Variants in KCTD10 observed in about 807,000 individuals in gnomAD.
KCTD10 encodes potassium channel tetramerization domain containing 10.
In KCTD10, 13 loss-of-function variants were observed where a neutral mutation model predicts 34.6. That is an observed-to-expected ratio of 0.38 (90% CI 0.24 to 0.60). KCTD10 has a LOEUF of 0.60. Among genes scored for constraint, KCTD10 ranks in the 20% least tolerant of loss-of-function variants. KCTD10 has a pLI of 0.66. For missense variants in KCTD10, 256 were observed against 420.3 expected (o/e 0.61, Z 3.42); for synonymous variants, 156 against 168.8 (o/e 0.92, Z 0.59).
intron 1 of KCTD10, chr12:109,470,411 T>C: frequency 1.0e-6 from 1 of 985,498 alleles, no homozygotes; most frequent in Non-Finnish European, 1.2e-6. Flanking sequence ...AAGATCCCAC[T>C]ACCATCTCCC....
intron 2 of KCTD10, among the ~76,000 whole-genome samples, chr12:109,468,505 G>A (rs979719667): frequency 1.3e-5 from 2 of 152,120 alleles, no homozygotes; most frequent in African/African-American, 4.8e-5. Context: ...TCAGGCCAAG[G>A]AATGAAGGAT....
At chr12:109,458,378 G>T in intron 3 of KCTD10, 1 of 272,356 alleles carries the variant, frequency 3.7e-6, no homozygotes, top group Non-Finnish European at 6.9e-6. Flanking sequence ...CAGCAGAAAC[G>T]TGTTTTAATC....
In KCTD10 at chr12:109,460,810, A is replaced by C; in HGVS notation, c.218-5T>G. ...AGCGGTCAATGAGGATCCAGCCTGC[A>C]GAGGGAGGAGGCAGGGGCTGGTTAC... On this transcript the variant is annotated splice_polypyrimidine_tract_variant and splice_region_variant and intron_variant, in intron 2 of 6. Transcript: ENST00000228495. This position sits in a 1 kb window ranked among gnomAD's most constrained non-coding sequence, Gnocchi z 4.5. 2 of 1,613,586 alleles carry C rather than the reference A, an allele frequency of 1.2e-6. No individual in the cohort carries two copies. Among genetic ancestry groups the C allele is most frequent in the African/African-American group, 1.3e-5 (1 of 75,054 alleles).
At position 109,469,659 on chromosome 12, in the gene KCTD10, T is replaced by C; in HGVS notation, c.73A>G (p.Lys25Glu). The change falls in exon 2 of 7, where the codon AAG becomes GAG. Residue 25 changes from lysine (K) to glutamate (E), a missense_variant. Lys to Glu is a moderately conservative substitution (Grantham distance 56). Transcript: ENST00000228495. ...TATTTGGAGCTGGGGCTCGTGCCCT[T>C]GAAGGAAGTGGTGCGGGTAGCAGCC... ...PAAATRTTSF[K>E]GTSPSSKYVK... 1 of 1,614,190 alleles carries C rather than the reference T, an allele frequency of 6.2e-7. No individual in the cohort carries two copies. The highest frequency in any genetic ancestry group is 8.5e-7 in the Non-Finnish European group (1 of 1,180,028).
At chr12:109,465,528 C>T (rs1873550256) in intron 2 of KCTD10, among the ~76,000 whole-genome samples, 1 of 152,150 alleles carries the variant, frequency 6.6e-6, no homozygotes, top group Non-Finnish European at 1.5e-5. Flanking sequence ...TACTGACCTC[C>T]TCAGGTGACT....
At chr12:109,472,424 C>T (rs1172257843) in intron 1 of KCTD10, among the ~76,000 whole-genome samples, 3 of 151,912 alleles carry the variant, frequency 2.0e-5, no homozygotes, top group South Asian at 2.1e-4. Context: ...GACAGTAACA[C>T]GCATGGAACT....
intron 1 of KCTD10, among the ~76,000 whole-genome samples, chr12:109,475,806 ACATTT>A (rs1419323937): frequency 6.6e-6 from 1 of 152,258 alleles, no homozygotes; most frequent in African/African-American, 2.4e-5. Context: ...GTCTGCTGTT[ACATTT>A]CAACTAAACT....
At chr12:109,470,441 C>T (rs1162887610) in intron 1 of KCTD10, 1 of 985,390 alleles carries the variant, frequency 1.0e-6, no homozygotes, top group African/African-American at 1.7e-5. Flanking sequence ...GGCTGACTCT[C>T]TGTACATCTC....
At chr12:109,468,658 T>TTTA (rs1334767099) in intron 2 of KCTD10, among the ~76,000 whole-genome samples, 1 of 150,274 alleles carries the variant, frequency 6.7e-6, no homozygotes, top group Non-Finnish European at 1.5e-5. Flanking sequence ...TTTGCCTTTT[T>TTTA]TTTTTTTTTT....
chr12:109,463,488 G>C (rs1311614047), intron 2 of KCTD10, among the ~76,000 whole-genome samples: 1 of 152,206 alleles, frequency 6.6e-6, no homozygotes, highest in Non-Finnish European at 1.5e-5. Flanking sequence ...AAGACAAATG[G>C]AAGTCAAGCA....
chr12:109,469,818 G>C, intron 1 of KCTD10, 90 bp from the exon 2 acceptor site: 1 of 1,557,602 alleles, frequency 6.4e-7, no homozygotes, highest in South Asian at 1.2e-5. Context: ...GATGTGTTTT[G>C]CTTGGGCCAC....
rs1592830280 is a variant in KCTD10, at chr12:109,449,959, T to G, written c.*1636A>C. On this transcript the variant is annotated 3_prime_UTR_variant, in exon 7 of 7. Coordinates refer to ENST00000228495, the MANE Select transcript of KCTD10 (RefSeq NM_031954.5). ...AAAAGCATCTGCCCAATACACGATTTTGACATTCAGTCATGATTGTTTTAA... is the reference window on the plus strand; with the variant it reads ...AAAAGCATCTGCCCAATACACGATTGTGACATTCAGTCATGATTGTTTTAA... 1 of 259,588 alleles carries G rather than the reference T, an allele frequency of 3.9e-6. No individual in the cohort carries two copies. Among genetic ancestry groups the G allele is most frequent in the East Asian group, 6.8e-5 (1 of 14,708 alleles). The allele number at this position is 259,588 out of a possible 1,614,324, so 16.1% of individuals were successfully genotyped here.
At chr12:109,462,058 A>G (rs2135660626) in intron 2 of KCTD10, among the ~76,000 whole-genome samples, 1 of 152,330 alleles carries the variant, frequency 6.6e-6, no homozygotes, top group African/African-American at 2.4e-5. Context: ...GCCTTGGATC[A>G]GTGGCAGAGG....
intron 1 of KCTD10, among the ~76,000 whole-genome samples, chr12:109,473,746 G>T (rs1309762469): frequency 6.6e-6 from 1 of 151,898 alleles, no homozygotes; most frequent in Admixed American, 6.6e-5. Flanking sequence ...AACCTCTCTA[G>T]GGAGGACTCT....
chr12:109,453,114 G>A (rs1039126254), intron 6 of KCTD10, among the ~76,000 whole-genome samples: 1 of 152,074 alleles, frequency 6.6e-6, no homozygotes, highest in Non-Finnish European at 1.5e-5. Flanking sequence ...AGGCTGGAGT[G>A]CAGTGGCACA....
intron 2 of KCTD10, among the ~76,000 whole-genome samples, chr12:109,463,395 C>T (rs958995667): frequency 1.3e-5 from 2 of 152,200 alleles, no homozygotes; most frequent in East Asian, 3.8e-4. Context: ...TTTCAATCAG[C>T]GTTTTGACTT....
At chr12:109,471,714 G>T (rs1216646929) in intron 1 of KCTD10, among the ~76,000 whole-genome samples, 1 of 152,168 alleles carries the variant, frequency 6.6e-6, no homozygotes. Context: ...CGAAGGGGGG[G>T]AGAAAAGGCT....
At chr12:109,463,864 A>C (rs1310345186) in intron 2 of KCTD10, among the ~76,000 whole-genome samples, 3 of 152,224 alleles carry the variant, frequency 2.0e-5, no homozygotes, top group Non-Finnish European at 4.4e-5. Flanking sequence ...CAGCACTCAA[A>C]AGCAGCTATG....
chr12:109,453,694 G>A (rs1348827223), intron 6 of KCTD10, among the ~76,000 whole-genome samples: 1 of 152,170 alleles, frequency 6.6e-6, no homozygotes, highest in Non-Finnish European at 1.5e-5. Context: ...AAAGTGGGTG[G>A]CAAAGGGGGA....
Sources: allele counts gnomAD v4.1 joint callset (sites outside exome capture counted in the v4.1 genomes callset), GRCh38; gene constraint gnomAD v4.1.1; non-coding constraint Gnocchi (gnomAD v3.1); transcripts MANE v1.5; gene names NCBI Gene and HGNC (gene_info 2026-07-23, HGNC 2026-07-21).